The following CNTRL variants were observed in gnomAD, a reference collection of about 807,000 sequenced individuals.
CNTRL encodes the protein centriolin.
CNTRL carries 233 observed loss-of-function variants against 303.7 expected under a neutral mutation model. The observed-to-expected ratio is 0.77, with a 90% CI of 0.69 to 0.86. The LOEUF (loss-of-function observed/expected upper bound fraction) is 0.86, where lower values mean the gene tolerates loss of function less well. Ranked by LOEUF, CNTRL falls within the 40% of genes least tolerant of loss-of-function variation. The pLI is 0.00. For missense variants in CNTRL, 2,524 were observed against 2,650.6 expected, an observed-to-expected ratio of 0.95 and a Z score of 1.05; for synonymous variants, 900 against 922.2, an observed-to-expected ratio of 0.98 and a Z score of 0.44.
intron 6 of CNTRL, among the ~76,000 whole-genome samples, chr9:121,096,777 T>G (rs146788719): frequency 0.011 from 1,673 of 152,280 alleles, 17 homozygotes; most frequent in Non-Finnish European, 0.017. Context: ...GGTTGACCTC[T>G]TAGCATTTTT....
In CNTRL at chr9:121,125,736, G is replaced by A. The variant is rs774279429; in HGVS notation, c.1825G>A (p.Ala609Thr). 1.9e-6 allele frequency: 3 copies of A among 1,614,018 alleles called. No individual in the cohort carries two copies. Among genetic ancestry groups the A allele is most frequent in the African/African-American group, 1.3e-5 (1 of 74,908 alleles). ...LTEGQIAANE[A>T]LKKDLEGVIS... Reference sequence around the variant, plus strand: ...CTTAGGCCAGATAGCAGCAAATGAAGCCCTGAAGAAGGATTTAGAAGGTGT... The same window carrying A: ...CTTAGGCCAGATAGCAGCAAATGAAACCCTGAAGAAGGATTTAGAAGGTGT... The change falls in exon 14 of 44, where the codon GCC becomes ACC. Residue 609 changes from alanine to threonine, a missense_variant. By Grantham distance (58) the Ala-to-Thr change is moderately conservative. Transcript: ENST00000373855.
At position 121,144,076 on chromosome 9, in the gene CNTRL, AGCAGAGG is replaced by A; in HGVS notation, c.3046_3051+1del. 1.9e-6 allele frequency: 3 copies of A among 1,607,646 alleles called. No individual in the cohort carries two copies. The South Asian group carries it at 3.3e-5, about 18-fold the overall frequency. On this transcript the variant is annotated splice_donor_variant and coding_sequence_variant, in exon 20 of 44. Coordinates refer to ENST00000373855, the MANE Select transcript of CNTRL (RefSeq NM_007018.6). LOFTEE classifies it high-confidence loss of function. ...CTGTTATGAAAATTAACCAGGAGCG[AGCAGAGG>A]TGAGTTCACATGTACAGAACAGGTT...
At position 121,141,449 on chromosome 9, in the gene CNTRL, T is replaced by G; in HGVS notation, c.2552T>G (p.Leu851Arg). ...ADLQKQFSEILARSKWERDEA... is the reference protein window; with the variant it reads ...ADLQKQFSEIRARSKWERDEA... ...TTACAGAAACAATTCAGTGAAATTC[T>G]TGCACGCTCCAAGTGGGAAAGAGAT... The change falls in exon 18 of 44, where the codon CTT (leucine) becomes CGT (arginine). Residue 851 changes from leucine to arginine, a missense_variant. Coordinates refer to ENST00000373855, the MANE Select transcript of CNTRL (RefSeq NM_007018.6). 2 of 1,614,088 alleles carry G rather than the reference T, an allele frequency of 1.2e-6. No homozygotes were observed. Among genetic ancestry groups the G allele is most frequent in the East Asian group, 2.2e-5 (1 of 44,872 alleles).
chr9:121,135,538 A>G (rs1457881568), intron 14 of CNTRL, among the ~76,000 whole-genome samples: 1 of 152,142 alleles, frequency 6.6e-6, no homozygotes, highest in Non-Finnish European at 1.5e-5. Flanking sequence ...TTATGTTTTT[A>G]GACTCATAAG....
Position 121,141,326 on chromosome 9 carries a change from G to C in CNTRL, c.2484-55G>C, listed in dbSNP as rs905263885. 1.3e-5 allele frequency: 17 copies of C among 1,358,726 alleles called. No individual in the cohort carries two copies. In the African/African-American group the frequency reaches 2.3e-4, roughly 18 times the overall value. 84.2% of individuals were successfully genotyped at this position (1,358,726 alleles called of 1,614,324 possible). ...AGCTAAAGTTAATAGCATGTTTGCA[G>C]CCAGCATCAAAAATTAAATGTCACA... On this transcript the variant is annotated intron_variant, in intron 17 of 43. Coordinates refer to ENST00000373855, the MANE Select transcript of CNTRL (RefSeq NM_007018.6).
chr9:121,175,392 A>G, intron 43 of CNTRL, 168 bp downstream of exon 43: 3 of 658,612 alleles, frequency 4.6e-6, no homozygotes, highest in Non-Finnish European at 2.7e-6. Flanking sequence ...TCAGCCTCCC[A>G]TGTAGCTGGG....
intron 40 of CNTRL, among the ~76,000 whole-genome samples, chr9:121,172,250 A>G (rs2053339578): frequency 6.6e-6 from 1 of 152,266 alleles, no homozygotes; most frequent in Admixed American, 6.5e-5. Flanking sequence ...TGGTAAGGCA[A>G]TTAGCAGTAG....
rs778554732 is a variant in CNTRL, at chr9:121,157,587, G to A, written c.4483G>A (p.Asp1495Asn). ...QETAVNLVKA[D>N]QQLRSLQADA... is the part of the protein sequence containing the mutation. ...AACTGCTGTTAACCTCGTCAAAGCT[G>A]ATCAGCAGCTAAGGTAGGTGGATTC... Residue 1495 changes from aspartate to asparagine, a missense_variant, in exon 28 of 44, where the codon GAT becomes AAT. Coordinates refer to ENST00000373855, the MANE Select transcript of CNTRL (RefSeq NM_007018.6). 3.1e-6 allele frequency: 5 copies of A among 1,613,972 alleles called. No individual in the cohort carries two copies. The highest frequency in any genetic ancestry group is 1.1e-5 in the South Asian group (1 of 91,064).
At chr9:121,137,535 G>T (rs1007799777) in intron 15 of CNTRL, among the ~76,000 whole-genome samples, 1 of 152,110 alleles carries the variant, frequency 6.6e-6, no homozygotes, top group Non-Finnish European at 1.5e-5. Flanking sequence ...GGTTAGAAAA[G>T]GAACTAGAAA....
intron 27 of CNTRL, among the ~76,000 whole-genome samples, chr9:121,156,116 TATA>T (rs1034322287): frequency 2.4e-4 from 37 of 151,928 alleles, no homozygotes; most frequent in Admixed American, 1.0e-3. Context: ...TATAATAATA[TATA>T]ATAAGATATT....
rs147793533 is a variant in CNTRL at position 121,107,993 on chromosome 9, T to C, written c.1000T>C (p.Leu334=). The C allele has an allele frequency of 1.3e-6, 2 of 1,569,448 alleles. No individual in the cohort carries two copies. Among genetic ancestry groups the C allele is most frequent in the Non-Finnish European group, 8.6e-7 (1 of 1,161,960 alleles). The change falls in exon 8 of 44, where the codon TTG becomes CTG. Residue 334 remains leucine (L), a splice_region_variant and synonymous_variant. Coordinates refer to ENST00000373855, the MANE Select transcript of CNTRL (RefSeq NM_007018.6). ...LKSDLNTKNE[L]LKQKTIELTR... ...GAGTGACTTAAACACAAAAAATGAA[T>C]TGGTAAGTTCATATTTTACATTGCT...
intron 2 of CNTRL, among the ~76,000 whole-genome samples, chr9:121,083,352 T>C (rs1461741563): frequency 6.6e-6 from 1 of 152,226 alleles, no homozygotes. Context: ...AACCTTATTC[T>C]ATAAGCTTTT....
At chr9:121,083,095 A>C (rs1302560452) in intron 2 of CNTRL, among the ~76,000 whole-genome samples, 3 of 152,138 alleles carry the variant, frequency 2.0e-5, no homozygotes, top group Non-Finnish European at 1.5e-5. Flanking sequence ...TTTCCCAGTT[A>C]GTCGGTGAGT....
intron 4 of CNTRL, among the ~76,000 whole-genome samples, chr9:121,091,938 A>G (rs1192662262): frequency 7.8e-6 from 1 of 128,564 alleles, no homozygotes; most frequent in Non-Finnish European, 1.6e-5. Flanking sequence ...ATCTAGGCCG[A>G]TGCCCTCTCT....
intron 4 of CNTRL, among the ~76,000 whole-genome samples, chr9:121,093,387 A>G (rs1449513297): frequency 1.3e-5 from 2 of 152,192 alleles, no homozygotes; most frequent in Non-Finnish European, 2.9e-5. Context: ...GCTCAAGGAA[A>G]ATGCTCATTT....
Position 121,177,195 on chromosome 9 carries a change from G to T in CNTRL, c.*9G>T. 1 of 1,606,648 alleles carries T rather than the reference G, an allele frequency of 6.2e-7. No individual in the cohort carries two copies. The highest frequency in any genetic ancestry group is 1.3e-5 in the African/African-American group (1 of 74,786). Reference sequence around the variant, plus strand: ...ATGCCTCAGCCAGATGAGGAATACTGTCTTGTGTAAATATATTCAAGGAAA... The same window carrying T: ...ATGCCTCAGCCAGATGAGGAATACTTTCTTGTGTAAATATATTCAAGGAAA... On this transcript the variant is annotated 3_prime_UTR_variant, in exon 44 of 44. Transcript: ENST00000373855.
At position 121,124,023 on chromosome 9, in the gene CNTRL, A is replaced by G. The variant is rs777468340; in HGVS notation, c.1743A>G (p.Ile581Met). The G allele has an allele frequency of 1.2e-6, 2 of 1,613,224 alleles. No individual in the cohort carries two copies. The highest frequency in any genetic ancestry group is 1.7e-6 in the Non-Finnish European group (2 of 1,179,604). Reference protein sequence around the residue: ...YQQLESRLDEILSRIAKETEE... With the variant: ...YQQLESRLDEMLSRIAKETEE... ...AACTTGAAAGTCGTTTGGATGAGAT[A>G]CTTTCTAGAATTGCTAAGGAAACGG... Residue 581 changes from isoleucine (I) to methionine (M), a missense_variant, in exon 13 of 44, where the codon ATA becomes ATG. Ile to Met is a conservative substitution (Grantham distance 10, BLOSUM62 1). Coordinates refer to ENST00000373855, the MANE Select transcript of CNTRL (RefSeq NM_007018.6).
At chr9:121,121,148 G>C (rs2050207704) in intron 12 of CNTRL, among the ~76,000 whole-genome samples, 1 of 152,134 alleles carries the variant, frequency 6.6e-6, no homozygotes, top group Admixed American at 6.5e-5. Flanking sequence ...ATAGCCAATA[G>C]AATTTAAAAG....
chr9:121,085,065 C>T (rs1435381918), intron 2 of CNTRL, among the ~76,000 whole-genome samples: 3 of 152,114 alleles, frequency 2.0e-5, no homozygotes, highest in Non-Finnish European at 4.4e-5. Context: ...ATAGTAGACA[C>T]TGAAGTTTGA....
Sources: allele counts gnomAD v4.1 joint callset (sites outside exome capture counted in the v4.1 genomes callset), GRCh38; gene constraint gnomAD v4.1.1; transcripts MANE v1.5; gene names NCBI Gene and HGNC (gene_info 2026-07-23, HGNC 2026-07-21).